The following ZNF8 variants were observed in gnomAD, a reference collection of about 807,000 sequenced individuals.
The protein encoded by ZNF8 is zinc finger protein 8.
In ZNF8, 9 loss-of-function variants were observed where a neutral mutation model predicts 12.2. The ratio of observed to expected loss-of-function variants is 0.73; its 90% CI spans 0.44 to 1.28. The LOEUF is 1.28. Among genes scored for constraint, ZNF8 ranks in the 50% most tolerant of loss-of-function variants. The pLI, the probability that ZNF8 is intolerant of heterozygous loss-of-function variation, is 0.00. For synonymous variants in ZNF8, 274 were observed against 282.3 expected, an observed-to-expected ratio of 0.97 and a Z score of 0.30; for missense variants, 664 against 729.1, an observed-to-expected ratio of 0.91 and a Z score of 1.03.
In ZNF8 at chr19:58,295,172, G is replaced by A. The variant is rs778730456; in HGVS notation, c.1364G>A (p.Ser455Asn). 4 of 1,614,074 alleles carry A rather than the reference G, an allele frequency of 2.5e-6. No homozygotes were observed. Among genetic ancestry groups the A allele is most frequent in the African/African-American group, 1.3e-5 (1 of 75,064 alleles). Residue 455 changes from serine to asparagine, a missense_variant, in exon 4 of 4, where the codon AGT becomes AAT. By Grantham distance (46) the Ser-to-Asn change is conservative (BLOSUM62 1). This residue lies in a region of ZNF8 where 225 missense variants were observed against 222.0 expected (regional missense o/e 1.01). Coordinates refer to ENST00000621650, the MANE Select transcript of ZNF8 (RefSeq NM_021089.3). ...GCCCTGGGCTGTGACCCACCTTTGA[G>A]TCAAGATGAGAGGACTCACCGAAGC... ...TEALGCDPPL[S>N]QDERTHRSDR...
chr19:58,279,913 G>T, intron 1 of ZNF8: 2 of 1,182,046 alleles, frequency 1.7e-6, no homozygotes, highest in South Asian at 3.0e-5. Flanking sequence ...TTTGTTCATG[G>T]GGATTTGCAT....
rs193256545 is a variant in ZNF8 at position 58,282,786 on chromosome 19, C to T, written c.67-2931C>T. On this transcript the variant is annotated intron_variant, in intron 1 of 3. Transcript: ENST00000621650. ...GGGACTACAGGAGCACGCTGCCACGCCCGGCTAATTTTTGATATTTTAGTA... is the reference window on the plus strand; with the variant it reads ...GGGACTACAGGAGCACGCTGCCACGTCCGGCTAATTTTTGATATTTTAGTA... Among the ~76,000 whole-genome samples, 542 of 151,500 alleles carry T rather than the reference C, an allele frequency of 3.6e-3. 4 individuals are homozygous for T. The highest frequency in any genetic ancestry group is 0.012 in the African/African-American group (493 of 41,298).
intron 3 of ZNF8, among the ~76,000 whole-genome samples, chr19:58,287,024 C>T (rs1186217954): frequency 6.6e-6 from 1 of 152,116 alleles, no homozygotes; most frequent in African/African-American, 2.4e-5. Flanking sequence ...TTCATTCTTG[C>T]ATGTCCAGAT....
chr19:58,295,612 G>A lies in ZNF8; in HGVS notation c.*76G>A. ...TCCACATAGTGTACTCATGGAAGGA[G>A]GGGCTGGGGGTAGAAATGTCATGGG... On this transcript the variant is annotated 3_prime_UTR_variant, in exon 4 of 4. Coordinates refer to ENST00000621650, the MANE Select transcript of ZNF8 (RefSeq NM_021089.3). 1.6e-6 allele frequency: 2 copies of A among 1,220,894 alleles called. No homozygotes were observed. Among genetic ancestry groups the A allele is most frequent in the Non-Finnish European group, 1.1e-6 (1 of 872,670 alleles). The allele number at this position is 1,220,894 out of a possible 1,614,324, so 75.6% of individuals were successfully genotyped here. A position where few individuals can be genotyped will look rare whatever the true frequency, so the allele number is the denominator to read the frequency against.
At chr19:58,291,719 C>T (rs551181305) in intron 3 of ZNF8, among the ~76,000 whole-genome samples, 2 of 152,294 alleles carry the variant, frequency 1.3e-5, no homozygotes, top group Non-Finnish European at 2.9e-5. Flanking sequence ...AAAGGAAATG[C>T]ACCTGGGGAG....
chr19:58,281,885 G>A (rs976459506), intron 1 of ZNF8, among the ~76,000 whole-genome samples: 1 of 152,210 alleles, frequency 6.6e-6, no homozygotes, highest in Non-Finnish European at 1.5e-5. Flanking sequence ...GGCCACAGCA[G>A]ATGGATCACT....
intron 3 of ZNF8, among the ~76,000 whole-genome samples, chr19:58,292,624 C>T (rs1304319628): frequency 1.3e-5 from 2 of 152,236 alleles, no homozygotes; most frequent in African/African-American, 4.8e-5. Flanking sequence ...TACTTTCTCT[C>T]TCTATGGATT....
chr19:58,285,732 C>T lies in ZNF8; in HGVS notation c.82C>T (p.Arg28Trp), dbSNP rs149035373. The stretch of plus-strand genomic sequence containing the variant: ...GATGTTTCAGGAACCAGTGACCTTC[C>T]GGGATGTGGCTGTGGACTTTACCCA... ...AARLQEPVTF[R>W]DVAVDFTQEE... Residue 28 changes from arginine to tryptophan, a missense_variant, in exon 2 of 4, where the codon CGG (arginine) becomes TGG (tryptophan). Physicochemically the swap from Arg to Trp is moderately radical, Grantham distance 101. This residue lies in a region of ZNF8 where 306 missense variants were observed against 308.7 expected (regional missense o/e 0.99). Coordinates refer to ENST00000621650, the MANE Select transcript of ZNF8 (RefSeq NM_021089.3). 66 of 1,614,154 alleles carry T rather than the reference C, an allele frequency of 4.1e-5. 1 individual carries two copies. Among genetic ancestry groups the T allele is most frequent in the East Asian group, 4.0e-4 (18 of 44,874 alleles).
chr19:58,279,275 C>T (rs1246662420), intron 1 of ZNF8, 128 bp downstream of exon 1: 5 of 1,522,162 alleles, frequency 3.3e-6, no homozygotes, highest in Non-Finnish European at 4.4e-6. Context: ...TGGGGAAACT[C>T]AGACGCGGGT....
In ZNF8 at chr19:58,281,391, A is replaced by G. The variant is rs553329884; in HGVS notation, c.66+2244A>G. The stretch of plus-strand genomic sequence containing the variant: ...CTCCAGAAGTGCAAGACAAGAGGGA[A>G]GGCTGCAGGGATCTGATGTAGGGCA... On this transcript the variant is annotated intron_variant, in intron 1 of 3. Transcript: ENST00000621650. 3.3e-5 allele frequency among the ~76,000 whole-genome samples: 5 copies of G among 152,296 alleles called. No individual in the cohort carries two copies. In the South Asian group the frequency reaches 1.0e-3, roughly 32 times the overall value.
rs768795962 is a variant in ZNF8 at position 58,295,335 on chromosome 19, C to T, written c.1527C>T (p.Asn509=). The change falls in exon 4 of 4, where the codon AAC becomes AAT. Residue 509 remains asparagine, a synonymous_variant. Coordinates refer to ENST00000621650, the MANE Select transcript of ZNF8 (RefSeq NM_021089.3). ...SRRREQSSSR[N]SHLVQHQHPN... is the part of the protein sequence containing the mutation. The stretch of plus-strand genomic sequence containing the variant: ...GGCGTGAACAATCCTCGAGCAGGAA[C>T]TCACACCTGGTTCAGCATCAACACC... 6.8e-6 allele frequency: 11 copies of T among 1,614,244 alleles called. No individual in the cohort carries two copies. The highest frequency in any genetic ancestry group is 9.3e-6 in the Non-Finnish European group (11 of 1,180,034).
At position 58,295,645 on chromosome 19, in the gene ZNF8, T is replaced by G. The variant is rs2051450048; in HGVS notation, c.*109T>G. 1 of 996,810 alleles carries G rather than the reference T, an allele frequency of 1.0e-6. No homozygotes were observed. The highest frequency in any genetic ancestry group is 1.6e-5 in the African/African-American group (1 of 61,724). 61.7% of individuals were successfully genotyped at this position (996,810 alleles called of 1,614,324 possible). A position where few individuals can be genotyped will look rare whatever the true frequency, so the allele number is the denominator to read the frequency against. ...GGGTAGAAATGTCATGGGTGACTTC[T>G]GACTTTCTAAGGAAATGATGCTTCC... On this transcript the variant is annotated 3_prime_UTR_variant, in exon 4 of 4. Coordinates refer to ENST00000621650, the MANE Select transcript of ZNF8 (RefSeq NM_021089.3).
At chr19:58,285,632 C>A in intron 1 of ZNF8, 85 bp from the exon 2 acceptor site, 1 of 1,600,252 alleles carries the variant, frequency 6.2e-7, no homozygotes, top group Non-Finnish European at 8.6e-7. Context: ...ACAGGCCTGC[C>A]TGTTTTCTCC....
chr19:58,282,792 T>C (rs117962485), intron 1 of ZNF8, among the ~76,000 whole-genome samples: 2,460 of 151,456 alleles, frequency 0.016, 33 homozygotes, highest in Non-Finnish European at 0.026. Context: ...CACGCCCGGC[T>C]AATTTTTGAT....
chr19:58,294,754 G>C lies in ZNF8; in HGVS notation c.946G>C (p.Ala316Pro), dbSNP rs749346629. 4 of 1,614,084 alleles carry C rather than the reference G, an allele frequency of 2.5e-6. No homozygotes were observed. The South Asian group carries it at 3.3e-5, about 13-fold the overall frequency. The change falls in exon 4 of 4, where the codon GCC becomes CCC. Residue 316 changes from alanine (A) to proline (P), a missense_variant. Ala to Pro is a conservative substitution (Grantham distance 27). Transcript: ENST00000621650. This position sits in a 1 kb window ranked among gnomAD's most constrained non-coding sequence, Gnocchi z 5.5. ...IHTGDKPYKCAECGKSFCHST... is the reference protein window; with the variant it reads ...IHTGDKPYKCPECGKSFCHST... ...CACTGGAGACAAGCCCTACAAGTGT[G>C]CCGAATGTGGGAAGTCTTTCTGCCA... is the stretch of plus-strand genomic sequence containing the variant.
At chr19:58,279,826 G>T (rs757151393) in intron 1 of ZNF8, 129 of 1,405,254 alleles carry the variant, frequency 9.2e-5, no homozygotes, top group Non-Finnish European at 1.1e-4. Flanking sequence ...GCCTCGCGTG[G>T]CAGGAAACAA....
In ZNF8 at chr19:58,300,196, G is replaced by A. The variant is rs2051483087; in HGVS notation, c.*4660G>A. 2 of 152,252 alleles carry A rather than the reference G, an allele frequency of 1.3e-5. No individual in the cohort carries two copies. The highest frequency in any genetic ancestry group is 4.8e-5 in the African/African-American group (2 of 41,458). 9.4% of individuals were successfully genotyped at this position (152,252 alleles called of 1,614,324 possible). On this transcript the variant is annotated 3_prime_UTR_variant, in exon 4 of 4. Transcript: ENST00000621650. Reference sequence around the variant, plus strand: ...GAACAAAAGTAACCAGCCCAAGCTAGGAAGTGGTGGAGTTAGAATTTGATG... The same window carrying A: ...GAACAAAAGTAACCAGCCCAAGCTAAGAAGTGGTGGAGTTAGAATTTGATG...
At chr19:58,290,341 C>G (rs1419721749) in intron 3 of ZNF8, among the ~76,000 whole-genome samples, 2 of 151,024 alleles carry the variant, frequency 1.3e-5, no homozygotes, top group Admixed American at 1.3e-4. Context: ...GTCTCTATCT[C>G]CTGACCTCGT....
At chr19:58,279,657 C>T (rs1263795805) in intron 1 of ZNF8, 12 of 1,533,668 alleles carry the variant, frequency 7.8e-6, no homozygotes, top group Non-Finnish European at 9.6e-6. Flanking sequence ...AATGATGGGT[C>T]ACCACGCACT....
Sources: allele counts gnomAD v4.1 joint callset (sites outside exome capture counted in the v4.1 genomes callset), GRCh38; gene constraint gnomAD v4.1.1; regional missense constraint gnomAD v4.1.1; non-coding constraint Gnocchi (gnomAD v3.1); transcripts MANE v1.5; gene names NCBI Gene and HGNC (gene_info 2026-07-23, HGNC 2026-07-21).